WWP1: variants seen among roughly 807,000 people sequenced by gnomAD.
WWP1 encodes the protein WW domain containing E3 ubiquitin protein ligase 1, also known as NEDD4-like E3 ubiquitin-protein ligase WWP1.
WWP1 carries 49 observed loss-of-function variants against 130.6 expected under a neutral mutation model. That is an observed-to-expected ratio of 0.38 (90% CI 0.30 to 0.48). The LOEUF is 0.48. Among genes scored for constraint, WWP1 ranks in the 20% least tolerant of loss-of-function variants. The pLI, the probability that WWP1 is intolerant of heterozygous loss-of-function variation, is 0.99. For missense variants in WWP1, 809 were observed against 1,100.6 expected (o/e 0.74, Z 3.75); for synonymous variants, 332 against 367.8 (o/e 0.90, Z 1.11).
intron 1 of WWP1, among the ~76,000 whole-genome samples, chr8:86,355,921 G>T (rs565724121): frequency 6.6e-6 from 1 of 152,288 alleles, no homozygotes; most frequent in South Asian, 2.1e-4. Flanking sequence ...AGTGAAAAGA[G>T]CATTAGCTTT....
Position 86,364,833 on chromosome 8 carries a change from AAGAG to A in WWP1, c.-114-4084_-114-4081del, listed in dbSNP as rs1012959189. 3.6e-3 allele frequency among the ~76,000 whole-genome samples: 405 copies of A among 113,816 alleles called. 1 individual carries two copies. Among genetic ancestry groups the A allele is most frequent in the Admixed American group, 5.2e-3 (60 of 11,524 alleles). The allele number at this position is 113,816 out of a possible 152,430, so 74.7% of individuals were successfully genotyped here. A position where few individuals can be genotyped will look rare whatever the true frequency, so the allele number is the denominator to read the frequency against. On this transcript the variant is annotated intron_variant, in intron 1 of 24. Coordinates refer to ENST00000517970, the MANE Select transcript of WWP1 (RefSeq NM_007013.4). Reference sequence around the variant, plus strand: ...AAAGAAAGAAAGAAAGAAAGAAAGAAAGAGAGAGAGAGAGAGAGAGAGAGAAAGA... The same window carrying A: ...AAAGAAAGAAAGAAAGAAAGAAAGAAAGAGAGAGAGAGAGAGAGAGAAAGA...
intron 9 of WWP1, among the ~76,000 whole-genome samples, chr8:86,413,450 G>A (rs1401411870): frequency 6.6e-6 from 1 of 152,168 alleles, no homozygotes; most frequent in African/African-American, 2.4e-5. Context: ...CTATGCCAGA[G>A]GTAAGTTTAG....
At chr8:86,395,176 G>A (rs1242435271) in intron 5 of WWP1, among the ~76,000 whole-genome samples, 1 of 152,084 alleles carries the variant, frequency 6.6e-6, no homozygotes, top group African/African-American at 2.4e-5. Flanking sequence ...CTTAAAATTA[G>A]TTTAAGCTAA....
At chr8:86,405,940 C>T (rs749586257) in intron 8 of WWP1, among the ~76,000 whole-genome samples, 7 of 152,156 alleles carry the variant, frequency 4.6e-5, no homozygotes, top group Non-Finnish European at 8.8e-5. Context: ...TTAAGACAAA[C>T]GATATATTTC....
At chr8:86,436,469 T>G (rs1406434680) in intron 16 of WWP1, among the ~76,000 whole-genome samples, 6 of 152,314 alleles carry the variant, frequency 3.9e-5, no homozygotes, top group Non-Finnish European at 1.5e-5. Context: ...ATTCCAGCCA[T>G]TTATGGTGCT....
chr8:86,388,362 C>T (rs1825413092), intron 5 of WWP1, among the ~76,000 whole-genome samples: 1 of 151,994 alleles, frequency 6.6e-6, no homozygotes, highest in African/African-American at 2.4e-5. Context: ...TCAAGCGATC[C>T]TCCCACCACA....
chr8:86,435,626 T>G lies in WWP1; in HGVS notation c.1678-7T>G. The G allele has an allele frequency of 6.2e-7, 1 of 1,613,012 alleles. No individual in the cohort carries two copies. The highest frequency in any genetic ancestry group is 8.5e-7 in the Non-Finnish European group (1 of 1,179,508). ...AGATGATATTATGATATTATTTTTG[T>G]TTTTAGTCTAATGCACTACCTAGTC... is the stretch of plus-strand genomic sequence containing the variant. On this transcript the variant is annotated splice_polypyrimidine_tract_variant and splice_region_variant and intron_variant, in intron 15 of 24. Transcript: ENST00000517970.
At chr8:86,450,840 A>G (rs1811132746) in intron 20 of WWP1, among the ~76,000 whole-genome samples, 1 of 152,144 alleles carries the variant, frequency 6.6e-6, no homozygotes, top group African/African-American at 2.4e-5. Flanking sequence ...ACTGGAATCC[A>G]AAGTGGGAAG....
chr8:86,355,833 T>TA (rs1204818583), intron 1 of WWP1, among the ~76,000 whole-genome samples: 1 of 152,220 alleles, frequency 6.6e-6, no homozygotes, highest in Non-Finnish European at 1.5e-5. Context: ...TTCAGATTGA[T>TA]ACAGCAAACT....
intron 9 of WWP1, among the ~76,000 whole-genome samples, chr8:86,420,850 T>C (rs954219258): frequency 6.6e-6 from 1 of 152,184 alleles, no homozygotes; most frequent in East Asian, 1.9e-4. Context: ...AAAGCTAAAT[T>C]AAAAATAGTA....
chr8:86,375,208 A>C (rs565235313), intron 3 of WWP1, among the ~76,000 whole-genome samples: 9 of 152,182 alleles, frequency 5.9e-5, no homozygotes, highest in Non-Finnish European at 1.2e-4. Context: ...CCCCTTTAGG[A>C]CGTATAATCA....
At chr8:86,452,406 A>G (rs984604720) in intron 20 of WWP1, among the ~76,000 whole-genome samples, 153 bp from the exon 21 acceptor site, 1 of 152,176 alleles carries the variant, frequency 6.6e-6, no homozygotes, top group Non-Finnish European at 1.5e-5. Context: ...CTAAAATTAT[A>G]TGTATTCATA....
At chr8:86,413,282 A>G (rs1394106943) in intron 9 of WWP1, among the ~76,000 whole-genome samples, 1 of 152,052 alleles carries the variant, frequency 6.6e-6, no homozygotes, top group Non-Finnish European at 1.5e-5. Context: ...CCTGTGTCCC[A>G]TGTTTGGTAA....
chr8:86,402,628 GA>G (rs1808056186), intron 8 of WWP1, among the ~76,000 whole-genome samples: 1 of 152,040 alleles, frequency 6.6e-6, no homozygotes, highest in African/African-American at 2.4e-5. Context: ...TCTATGATAG[GA>G]ATTTAAAAAT....
intron 3 of WWP1, among the ~76,000 whole-genome samples, chr8:86,379,186 TG>T (rs1422141490): frequency 6.6e-6 from 1 of 152,182 alleles, no homozygotes; most frequent in Non-Finnish European, 1.5e-5. Flanking sequence ...AGAGCAAGTC[TG>T]GGCCTTCTAT....
Position 86,467,509 on chromosome 8 carries a change from T to C in WWP1, c.*616T>C, listed in dbSNP as rs1812243024. On this transcript the variant is annotated 3_prime_UTR_variant, in exon 25 of 25. Coordinates refer to ENST00000517970, the MANE Select transcript of WWP1 (RefSeq NM_007013.4). ...TTCTCTGTTACATCAGTAATATTGTTAAAGTAATGGATAGAACCATAACTT... is the reference window on the plus strand; with the variant it reads ...TTCTCTGTTACATCAGTAATATTGTCAAAGTAATGGATAGAACCATAACTT... 1 of 152,560 alleles carries C rather than the reference T, an allele frequency of 6.6e-6. No individual in the cohort carries two copies. The highest frequency in any genetic ancestry group is 2.1e-4 in the South Asian group (1 of 4,822). The allele number at this position is 152,560 out of a possible 1,614,324, so 9.5% of individuals were successfully genotyped here.
chr8:86,447,425 C>T (rs966412127), intron 18 of WWP1, among the ~76,000 whole-genome samples: 8 of 152,108 alleles, frequency 5.3e-5, no homozygotes, highest in Non-Finnish European at 1.5e-5. Flanking sequence ...TGCCACCATG[C>T]CCAGCTAATT....
chr8:86,424,513 C>G (rs1043915497), intron 9 of WWP1, among the ~76,000 whole-genome samples: 1 of 150,518 alleles, frequency 6.6e-6, no homozygotes, highest in African/African-American at 2.4e-5. Context: ...AGCCTGGGCA[C>G]CATTGAGCAC....
chr8:86,432,550 C>CA (rs72136808), intron 14 of WWP1, among the ~76,000 whole-genome samples: 50,025 of 145,134 alleles, frequency 0.34, 9,812 homozygotes, highest in African/African-American at 0.54. Flanking sequence ...AAAAAAAAAG[C>CA]AAAAAAAAAA....
Sources: allele counts gnomAD v4.1 joint callset (sites outside exome capture counted in the v4.1 genomes callset), GRCh38; gene constraint gnomAD v4.1.1; transcripts MANE v1.5; gene names NCBI Gene and HGNC (gene_info 2026-07-23, HGNC 2026-07-21).